The following SAXO2 variants were observed in gnomAD, a reference collection of about 807,000 sequenced individuals.
SAXO2 encodes family with sequence similarity 154, member B.
In SAXO2, 17 loss-of-function variants were observed where a neutral mutation model predicts 18.7. That is an observed-to-expected ratio of 0.91 (90% CI 0.62 to 1.36). The LOEUF (loss-of-function observed/expected upper bound fraction) is 1.36, where lower values mean the gene tolerates loss of function less well. Among genes scored for constraint, SAXO2 ranks in the 40% most tolerant of loss-of-function variants. SAXO2 has a pLI of 0.00. For missense variants in SAXO2, 486 were observed against 562.6 expected (o/e 0.86, Z 1.38); for synonymous variants, 163 against 181.2 (o/e 0.90, Z 0.81).
Position 82,282,598 on chromosome 15 carries a change from A to C in SAXO2, c.913A>C (p.Met305Leu), listed in dbSNP as rs1363166726. Residue 305 changes from methionine (M) to leucine (L), a missense_variant, in exon 4 of 4, where the codon ATG becomes CTG. Physicochemically the swap from Met to Leu is conservative, Grantham distance 15. Coordinates refer to ENST00000682753, the MANE Select transcript of SAXO2 (RefSeq NM_001348699.2). The part of the protein sequence containing the change: ...VPEYVPPTGS[M>L]LLNSTSHLDY... ...AGAGTATGTGCCTCCTACAGGTAGC[A>C]TGCTGTTAAACAGCACAAGCCATCT... 1 of 1,614,196 alleles carries C rather than the reference A, an allele frequency of 6.2e-7. No homozygotes were observed. Among genetic ancestry groups the C allele is most frequent in the Non-Finnish European group, 8.5e-7 (1 of 1,180,028 alleles).
intron 1 of SAXO2, chr15:82,264,535 G>C: frequency 3.1e-6 from 2 of 635,124 alleles, no homozygotes; most frequent in South Asian, 3.7e-5. Flanking sequence ...ATTGGTCAAG[G>C]TTCTTAGTTG....
At chr15:82,266,341 A>G (rs1339538276) in intron 2 of SAXO2, among the ~76,000 whole-genome samples, 1 of 152,186 alleles carries the variant, frequency 6.6e-6, no homozygotes, top group Non-Finnish European at 1.5e-5. Flanking sequence ...ATCTGTTTTC[A>G]ATACTTCAGC....
chr15:82,271,943 A>G, intron 3 of SAXO2, 141 bp downstream of exon 3: 1 of 699,502 alleles, frequency 1.4e-6, no homozygotes, highest in East Asian at 2.7e-5. Flanking sequence ...CTCTTTGGCA[A>G]AATAGTATTG....
intron 3 of SAXO2, 103 bp downstream of exon 3, chr15:82,271,905 C>A: frequency 2.1e-6 from 2 of 955,052 alleles, no homozygotes; most frequent in Non-Finnish European, 3.2e-6. Flanking sequence ...CCAAACTTAG[C>A]CTCCATGGCT....
intron 2 of SAXO2, 58 bp from the exon 3 acceptor site, chr15:82,271,545 T>G: frequency 7.2e-7 from 1 of 1,388,958 alleles, no homozygotes; most frequent in African/African-American, 1.5e-5. Context: ...CATACTTCAT[T>G]GAAATAATTA....
chr15:82,271,776 A>G lies in SAXO2; in HGVS notation c.407A>G (p.Lys136Arg). ...RPLERQVKKG[K>R]LDTVPTYKDD... The stretch of plus-strand genomic sequence containing the variant: ...TTGGAGAGACAAGTTAAAAAAGGAA[A>G]ATTGGACACTGTCCCAACCTATAAA... Residue 136 changes from lysine (K) to arginine (R), a missense_variant, in exon 3 of 4, where the codon AAA becomes AGA. Lys to Arg is a conservative substitution (Grantham distance 26). Coordinates refer to ENST00000682753, the MANE Select transcript of SAXO2 (RefSeq NM_001348699.2). 6.2e-7 allele frequency: 1 copy of G among 1,614,042 alleles called. No homozygotes were observed.
intron 2 of SAXO2, among the ~76,000 whole-genome samples, 187 bp from the exon 3 acceptor site, chr15:82,271,416 A>G (rs2075269566): frequency 6.6e-6 from 1 of 152,214 alleles, no homozygotes; most frequent in African/African-American, 2.4e-5. Context: ...ATATTTAGTC[A>G]CTGGATAGGA....
chr15:82,270,236 T>A (rs2075258160), intron 2 of SAXO2, among the ~76,000 whole-genome samples: 1 of 152,120 alleles, frequency 6.6e-6, no homozygotes, highest in Non-Finnish European at 1.5e-5. Flanking sequence ...TAGGTCCAAG[T>A]CTTGAGGAAC....
chr15:82,268,828 T>TCTA (rs1410706268), intron 2 of SAXO2, among the ~76,000 whole-genome samples: 2 of 152,214 alleles, frequency 1.3e-5, no homozygotes, highest in African/African-American at 4.8e-5. Flanking sequence ...GCATTCACCC[T>TCTA]CTACTACTAC....
rs767533621 is a variant in SAXO2, at chr15:82,282,563, A to G, written c.878A>G (p.Lys293Arg). ...TGGGAAATCCCACCACCTGAGGTCAAGAAAGTACCAGAGTATGTGCCTCCT... is the reference window on the plus strand; with the variant it reads ...TGGGAAATCCCACCACCTGAGGTCAGGAAAGTACCAGAGTATGTGCCTCCT... ...QPWEIPPPEVKKVPEYVPPTG... is the reference protein window; with the variant it reads ...QPWEIPPPEVRKVPEYVPPTG... The change falls in exon 4 of 4, where the codon AAG (lysine) becomes AGG (arginine). Residue 293 changes from lysine (K) to arginine (R), a missense_variant. Lys to Arg is a conservative substitution (Grantham distance 26). Coordinates refer to ENST00000682753, the MANE Select transcript of SAXO2 (RefSeq NM_001348699.2). The G allele has an allele frequency of 3.1e-6, 5 of 1,614,114 alleles. No homozygotes were observed. The Admixed American group carries it at 8.3e-5, about 27-fold the overall frequency.
chr15:82,271,637 C>A lies in SAXO2; in HGVS notation c.268C>A (p.Pro90Thr), dbSNP rs1485803001. 1.2e-6 allele frequency: 2 copies of A among 1,613,674 alleles called. No homozygotes were observed. Among genetic ancestry groups the A allele is most frequent in the East Asian group, 2.2e-5 (1 of 44,864 alleles). The change falls in exon 3 of 4, where the codon CCT becomes ACT. Residue 90 changes from proline to threonine, a missense_variant. Transcript: ENST00000682753. ...TTGTCCTTATGAAATAGTTAAACAGCCTCGCCATGTGCCAGAAGAATATAA... is the reference window on the plus strand; with the variant it reads ...TTGTCCTTATGAAATAGTTAAACAGACTCGCCATGTGCCAGAAGAATATAA... ...DYCPYEIVKQ[P>T]RHVPEEYKPK...
chr15:82,282,190 G>T lies in SAXO2; in HGVS notation c.505G>T (p.Val169Leu), dbSNP rs149761671. The change falls in exon 4 of 4, where the codon GTG becomes TTG. Residue 169 changes from valine to leucine, a missense_variant. Physicochemically the swap from Val to Leu is conservative, Grantham distance 32. Transcript: ENST00000682753. ...AGAACAAACTTACCACCCGCCTACT[G>T]TGAAATTTGGAAATTCAACTACATT... ...KPEQTYHPPTVKFGNSTTFQD... is the reference protein window; with the variant it reads ...KPEQTYHPPTLKFGNSTTFQD... The T allele has an allele frequency of 6.2e-7, 1 of 1,613,894 alleles. No individual in the cohort carries two copies. The highest frequency in any genetic ancestry group is 1.7e-5 in the Admixed American group (1 of 59,980).
intron 3 of SAXO2, among the ~76,000 whole-genome samples, chr15:82,279,495 G>A (rs190257330): frequency 6.6e-6 from 1 of 152,252 alleles, no homozygotes; most frequent in Admixed American, 6.5e-5. Flanking sequence ...GGCATGCTAA[G>A]TTTTCATTTA....
intron 2 of SAXO2, among the ~76,000 whole-genome samples, chr15:82,268,140 G>A (rs1295796282): frequency 6.6e-6 from 1 of 151,998 alleles, no homozygotes; most frequent in African/African-American, 2.4e-5. Context: ...AAATGGGAAT[G>A]GTTGTTCTTT....
chr15:82,266,218 G>C (rs745574246), intron 2 of SAXO2, among the ~76,000 whole-genome samples: 61 of 152,152 alleles, frequency 4.0e-4, no homozygotes, highest in Non-Finnish European at 6.8e-4. Context: ...CTCATTCGAA[G>C]CTGTCCTGGG....
At position 82,282,471 on chromosome 15, in the gene SAXO2, A is replaced by G. The variant is rs1428068678; in HGVS notation, c.786A>G (p.Val262=). The change falls in exon 4 of 4, where the codon GTA becomes GTG. Residue 262 remains valine (V), a synonymous_variant. Coordinates refer to ENST00000682753, the MANE Select transcript of SAXO2 (RefSeq NM_001348699.2). The part of the protein sequence containing the change: ...IGETAKLCRP[V]HTRVTQNALF... ...AAACTGCAAAACTCTGCAGACCTGT[A>G]CACACCAGAGTGACCCAGAATGCTC... 1 of 1,614,206 alleles carries G rather than the reference A, an allele frequency of 6.2e-7. No individual in the cohort carries two copies. Among genetic ancestry groups the G allele is most frequent in the Non-Finnish European group, 8.5e-7 (1 of 1,180,042 alleles).
intron 2 of SAXO2, among the ~76,000 whole-genome samples, chr15:82,271,079 T>C (rs1454722717): frequency 6.6e-6 from 1 of 152,204 alleles, no homozygotes; most frequent in Non-Finnish European, 1.5e-5. Context: ...AAATCTATAA[T>C]CTGAATGTGA....
At chr15:82,263,373 A>T (rs1433436037) in intron 1 of SAXO2, 1 of 760,980 alleles carries the variant, frequency 1.3e-6, no homozygotes, top group Non-Finnish European at 2.3e-6. Flanking sequence ...CTGTCCTCCC[A>T]GCCAGACCAT....
At chr15:82,264,817 A>G (rs2075198792) in intron 1 of SAXO2, 3 of 693,248 alleles carry the variant, frequency 4.3e-6, no homozygotes, top group Non-Finnish European at 7.9e-6. Context: ...CCGCCTAACA[A>G]CTTCTAGCTC....
Sources: gnomAD v4.1 joint callset for allele counts (sites outside exome capture counted in the v4.1 genomes callset) on GRCh38, gnomAD v4.1.1 for gene constraint, MANE v1.5 for transcripts, NCBI Gene and HGNC (gene_info 2026-07-23, HGNC 2026-07-21) for gene names.